HERC3: variants seen among roughly 807,000 people sequenced by gnomAD.
The protein encoded by HERC3 is HECT and RLD domain containing E3 ubiquitin protein ligase 3.
Under a neutral mutation model 129.9 loss-of-function variants are expected in HERC3, and 58 were observed. That is an observed-to-expected ratio of 0.45 (90% confidence interval 0.36 to 0.56). HERC3 has a LOEUF of 0.56. HERC3 is among the 20% of genes least tolerant of loss of function. The pLI, the probability that HERC3 is intolerant of heterozygous loss-of-function variation, is 0.00. For synonymous variants in HERC3, 430 were observed against 451.0 expected, an observed-to-expected ratio of 0.95 and a Z score of 0.59; for missense variants, 835 against 1,244.2, an observed-to-expected ratio of 0.67 and a Z score of 4.95.
At chr4:88,587,866 C>G (rs776843565), upstream of HERC3, among the ~76,000 whole-genome samples, 8 of 152,340 alleles carry the variant, frequency 5.3e-5, no homozygotes, top group South Asian at 1.2e-3. Flanking sequence ...TGCCCAAGCA[C>G]TTATTTTGCC....
At chr4:88,534,861 T>C in the HERC3 span, among the ~76,000 whole-genome samples, 1 of 152,222 alleles carries the variant, frequency 6.6e-6, no homozygotes, top group South Asian at 2.1e-4. Context: ...CTGTTCAGGT[T>C]GTAGCCATCA....
In HERC3 at chr4:88,638,460, C is replaced by T. The variant is rs191969548; in HGVS notation, c.227-11380C>T. On this transcript the variant is annotated intron_variant, in intron 3 of 25. Coordinates refer to ENST00000402738, the MANE Select transcript of HERC3 (RefSeq NM_014606.3). ...CCATATGCAAATCAATAAACATAAT[C>T]TATCACATAAACAGAACCAATGATA... Among the ~76,000 whole-genome samples, 306 of 152,292 alleles carry T rather than the reference C, an allele frequency of 2.0e-3. 2 individuals are homozygous for T. Among genetic ancestry groups the T allele is most frequent in the African/African-American group, 7.1e-3 (296 of 41,570 alleles).
chr4:88,685,030 A>C (rs1373191930), intron 21 of HERC3: 1 of 152,272 alleles, frequency 6.6e-6, no homozygotes, highest in Admixed American at 6.5e-5. Flanking sequence ...AATGCAAATC[A>C]AAACCACAAT....
chr4:88,642,753 A>G (rs748721028), intron 3 of HERC3, among the ~76,000 whole-genome samples: 1 of 152,184 alleles, frequency 6.6e-6, no homozygotes, highest in South Asian at 2.1e-4. Flanking sequence ...AAAGGCTGCA[A>G]TACCTAACAC....
At chr4:88,703,684 T>G (rs1735517998) in intron 23 of HERC3, among the ~76,000 whole-genome samples, 1 of 138,070 alleles carries the variant, frequency 7.2e-6, no homozygotes, top group South Asian at 2.6e-4. Context: ...TCAAGTGGTT[T>G]AGCTTTATTT....
intron 15 of HERC3, 56 bp downstream of exon 15, chr4:88,670,079 C>T: frequency 1.2e-6 from 2 of 1,601,226 alleles, no homozygotes; most frequent in South Asian, 1.1e-5. Flanking sequence ...GGTAAAATGT[C>T]CTAGTGAGAT....
intron 3 of HERC3, among the ~76,000 whole-genome samples, chr4:88,635,995 GGAA>G (rs1727342557): frequency 6.6e-6 from 1 of 152,134 alleles, no homozygotes; most frequent in South Asian, 2.1e-4. Flanking sequence ...AGCTCCTGAA[GGAA>G]GCACTAAATA....
chr4:88,640,524 T>G (rs184937265), intron 3 of HERC3, among the ~76,000 whole-genome samples: 6 of 152,050 alleles, frequency 3.9e-5, no homozygotes, highest in African/African-American at 1.5e-4. Context: ...AGTTGAACAA[T>G]GAGAACACAT....
intron 3 of HERC3, among the ~76,000 whole-genome samples, chr4:88,642,195 C>T (rs2149258459): frequency 6.6e-6 from 1 of 150,452 alleles, no homozygotes; most frequent in African/African-American, 2.4e-5. Context: ...CGTGGTTTCT[C>T]TGCCAAATGT....
At chr4:88,615,810 G>A (rs1724842671) in intron 3 of HERC3, among the ~76,000 whole-genome samples, 2 of 152,214 alleles carry the variant, frequency 1.3e-5, no homozygotes, top group South Asian at 4.2e-4. Context: ...AATAATTGCT[G>A]ATCTCTATTT....
chr4:88,567,004 G>A, the HERC3 span, among the ~76,000 whole-genome samples: 1 of 152,178 alleles, frequency 6.6e-6, no homozygotes, highest in African/African-American at 2.4e-5. Context: ...GCCCAGGTTG[G>A]TCTCAAACTC....
At chr4:88,570,247 AGTT>A in the HERC3 span, among the ~76,000 whole-genome samples, 1 of 152,242 alleles carries the variant, frequency 6.6e-6, no homozygotes. Context: ...GATGGTATAC[AGTT>A]GTTTTCATTT....
intron 23 of HERC3, among the ~76,000 whole-genome samples, chr4:88,695,227 C>T (rs566344104): frequency 2.7e-4 from 41 of 151,928 alleles, no homozygotes; most frequent in African/African-American, 9.2e-4. Flanking sequence ...TTAACTTTAC[C>T]TTAAGGTTGT....
the HERC3 span, chr4:88,523,921 C>A: frequency 3.8e-6 from 2 of 524,748 alleles, no homozygotes; most frequent in Non-Finnish European, 6.6e-6. Context: ...AGCCCCAGGG[C>A]AGAGGCCTCT....
In HERC3 at chr4:88,652,962, C is replaced by T; in HGVS notation, c.557C>T (p.Ser186Phe). The T allele has an allele frequency of 6.2e-7, 1 of 1,614,166 alleles. No individual in the cohort carries two copies. Among genetic ancestry groups the T allele is most frequent in the Non-Finnish European group, 8.5e-7 (1 of 1,180,032 alleles). ...CAAGCCAGCCCACAGAGGGTGAGGT[C>T]CCTGGAGGGGATCCCACTGGCTCAG... is the stretch of plus-strand genomic sequence containing the variant. ...PSQASPQRVR[S>F]LEGIPLAQVA... Residue 186 changes from serine to phenylalanine, a missense_variant, in exon 6 of 26, where the codon TCC (serine) becomes TTC (phenylalanine). By Grantham distance (155) the Ser-to-Phe change is radical (BLOSUM62 -2). Coordinates refer to ENST00000402738, the MANE Select transcript of HERC3 (RefSeq NM_014606.3).
intron 23 of HERC3, among the ~76,000 whole-genome samples, chr4:88,694,588 T>C (rs1734401947): frequency 6.6e-6 from 1 of 152,202 alleles, no homozygotes; most frequent in African/African-American, 2.4e-5. Flanking sequence ...CTAAACTGTT[T>C]CCAAATTGCT....
chr4:88,552,914 T>C, the HERC3 span, among the ~76,000 whole-genome samples: 1 of 152,186 alleles, frequency 6.6e-6, no homozygotes, highest in African/African-American at 2.4e-5. Flanking sequence ...TCCAACCACA[T>C]TTATTGGACT....
At chr4:88,700,250 C>G (rs190858640) in intron 23 of HERC3, among the ~76,000 whole-genome samples, 1 of 152,174 alleles carries the variant, frequency 6.6e-6, no homozygotes, top group East Asian at 1.9e-4. Flanking sequence ...ATGCTGTGAT[C>G]ATTCATCTAC....
chr4:88,697,532 TAGGC>T (rs1560778318), intron 23 of HERC3: 1 of 1,614,042 alleles, frequency 6.2e-7, no homozygotes, highest in Non-Finnish European at 8.5e-7. Context: ...TTCACCGAAT[TAGGC>T]AGGCTCTCGA....
Sources: allele counts gnomAD v4.1 joint callset (sites outside exome capture counted in the v4.1 genomes callset), GRCh38; gene constraint gnomAD v4.1.1; transcripts MANE v1.5; gene names NCBI Gene and HGNC (gene_info 2026-07-23, HGNC 2026-07-21).